The following MCMDC2 variants were observed in gnomAD, a reference collection of about 807,000 sequenced individuals.
MCMDC2 encodes the protein minichromosome maintenance domain containing 2, also known as minichromosome maintenance domain-containing protein 2.
MCMDC2 carries 54 observed loss-of-function variants against 75.8 expected under a neutral mutation model. The observed-to-expected ratio is 0.71, with a 90% CI of 0.57 to 0.89. The LOEUF is 0.89. MCMDC2 is among the 40% of genes least tolerant of loss of function. The probability of loss-of-function intolerance (pLI) is 0.00; values close to 1 mark genes in which losing one functional copy is unlikely to be tolerated. For missense variants in MCMDC2, 656 were observed against 780.4 expected, an observed-to-expected ratio of 0.84 and a Z score of 1.90; for synonymous variants, 249 against 274.6, an observed-to-expected ratio of 0.91 and a Z score of 0.92.
chr8:66,915,278 CCT>C (rs1491513131), intron 14 of MCMDC2, among the ~76,000 whole-genome samples: 8 of 151,860 alleles, frequency 5.3e-5, no homozygotes, highest in African/African-American at 7.3e-5. Flanking sequence ...ATGGTGAAAC[CCT>C]GTCTCTACTA....
In MCMDC2 at chr8:66,876,399, G is replaced by A. The variant is rs150421824; in HGVS notation, c.286-950G>A. 9.1e-3 allele frequency among the ~76,000 whole-genome samples: 1,383 copies of A among 152,078 alleles called. 22 individuals are homozygous for A. Among genetic ancestry groups the A allele is most frequent in the African/African-American group, 0.032 (1,310 of 41,494 alleles). ...TGGCCAATATTTTTTGAGGGGGAGG[G>A]TTTCCATTTTTAAATATAAGGAACT... On this transcript the variant is annotated intron_variant, in intron 4 of 14. Transcript: ENST00000422365.
intron 10 of MCMDC2, among the ~76,000 whole-genome samples, chr8:66,892,375 C>G (rs1009529936): frequency 1.3e-5 from 2 of 152,182 alleles, no homozygotes; most frequent in Non-Finnish European, 2.9e-5. Context: ...TGTCATGGCC[C>G]TTTTCACACC....
chr8:66,892,404 A>C (rs1812151385), intron 10 of MCMDC2, among the ~76,000 whole-genome samples: 1 of 152,172 alleles, frequency 6.6e-6, no homozygotes, highest in Non-Finnish European at 1.5e-5. Flanking sequence ...AACAGGTCCC[A>C]AGTTCTTGTT....
chr8:66,902,886 A>T (rs1812763631), intron 13 of MCMDC2, among the ~76,000 whole-genome samples: 1 of 151,726 alleles, frequency 6.6e-6, no homozygotes, highest in African/African-American at 2.4e-5. Flanking sequence ...TTGGGAGGCC[A>T]AGTTGGGTGG....
chr8:66,876,444 A>G (rs1811284914), intron 4 of MCMDC2, among the ~76,000 whole-genome samples: 1 of 152,134 alleles, frequency 6.6e-6, no homozygotes, highest in South Asian at 2.1e-4. Flanking sequence ...TTAAATATAT[A>G]TGGTATGTTT....
At chr8:66,909,051 A>T (rs775358838) in intron 14 of MCMDC2, among the ~76,000 whole-genome samples, 2 of 152,192 alleles carry the variant, frequency 1.3e-5, no homozygotes, top group Non-Finnish European at 1.5e-5. Flanking sequence ...TCATGGGGGC[A>T]GTTTCCCCTA....
rs2130786709 is a variant in MCMDC2 at position 66,874,109 on chromosome 8, T to G, written c.-32T>G. 4 of 1,502,874 alleles carry G rather than the reference T, an allele frequency of 2.7e-6. No homozygotes were observed. The South Asian group carries it at 3.8e-5, about 14-fold the overall frequency. 93.1% of individuals were successfully genotyped at this position (1,502,874 alleles called of 1,614,324 possible). ...CTATAGCTTTTATCAACAATTGTGG[T>G]TTAATCAATTAGAAATATTAACCAG... On this transcript the variant is annotated 5_prime_UTR_variant, in exon 2 of 15. Coordinates refer to ENST00000422365, the MANE Select transcript of MCMDC2 (RefSeq NM_173518.5).
In MCMDC2 at chr8:66,905,235, A is replaced by G; in HGVS notation, c.1779A>G (p.Leu593=). Residue 593 remains leucine, a synonymous_variant, in exon 14 of 15, where the codon CTA becomes CTG. Transcript: ENST00000422365. ...CTATTTTCTTTTTTAGCGTTTTCCT[A>G]TCTGAAGCCCATGCACGACTGAACT... ...SASALKYLVF[L]SEAHARLNLR... is the part of the protein sequence containing the mutation. 2 of 1,444,558 alleles carry G rather than the reference A, an allele frequency of 1.4e-6. No homozygotes were observed. The highest frequency in any genetic ancestry group is 1.8e-6 in the Non-Finnish European group (2 of 1,096,416). 89.5% of individuals were successfully genotyped at this position (1,444,558 alleles called of 1,614,324 possible).
intron 14 of MCMDC2, among the ~76,000 whole-genome samples, chr8:66,905,953 T>TCAGCTCA (rs1395298675): frequency 6.7e-6 from 1 of 148,444 alleles, no homozygotes; most frequent in Non-Finnish European, 1.5e-5. Flanking sequence ...TGCAGTGAGC[T>TCAGCTCA]GAGATTGCAC....
chr8:66,901,504 A>G (rs1812658726), intron 13 of MCMDC2, 156 bp downstream of exon 13: 4 of 1,356,796 alleles, frequency 2.9e-6, no homozygotes, highest in Admixed American at 3.5e-5. Flanking sequence ...AGGCTTCACA[A>G]TTCCTTTTGT....
At position 66,877,482 on chromosome 8, in the gene MCMDC2, T is replaced by C; in HGVS notation, c.419T>C (p.Ile140Thr). The C allele has an allele frequency of 6.2e-7, 1 of 1,613,182 alleles. No homozygotes were observed. Among genetic ancestry groups the C allele is most frequent in the Non-Finnish European group, 8.5e-7 (1 of 1,179,762 alleles). ...GGAATTGTGATTGCAATGACAACTA[T>C]AACCAAGTATACACAAGGGGCAAGA... ...MQGIVIAMTTITKYTQGARFL... is the reference protein window; with the variant it reads ...MQGIVIAMTTTTKYTQGARFL... The change falls in exon 5 of 15, where the codon ATA becomes ACA. Residue 140 changes from isoleucine (I) to threonine (T), a missense_variant. Physicochemically the swap from Ile to Thr is moderately conservative, Grantham distance 89. Transcript: ENST00000422365.
intron 8 of MCMDC2, 91 bp downstream of exon 8, chr8:66,881,065 C>A: frequency 9.4e-7 from 1 of 1,063,210 alleles, no homozygotes; most frequent in Non-Finnish European, 1.2e-6. Context: ...ATGTGCTAGG[C>A]ATTCCTCTAA....
intron 14 of MCMDC2, among the ~76,000 whole-genome samples, chr8:66,914,126 A>T (rs1463828184): frequency 4.0e-5 from 6 of 151,522 alleles, no homozygotes; most frequent in South Asian, 4.2e-4. Context: ...CAGAAAAAAA[A>T]TTTTTTAATA....
chr8:66,881,077 C>A, intron 8 of MCMDC2, 103 bp downstream of exon 8: 1 of 933,934 alleles, frequency 1.1e-6, no homozygotes, highest in Non-Finnish European at 1.4e-6. Context: ...TTCCTCTAAG[C>A]ACTAAGAATA....
intron 12 of MCMDC2, among the ~76,000 whole-genome samples, chr8:66,899,582 G>A (rs1449154510): frequency 2.6e-5 from 4 of 151,960 alleles, no homozygotes; most frequent in Admixed American, 1.3e-4. Flanking sequence ...TGCAACCTCC[G>A]CCTGCTGGGT....
chr8:66,872,979 AC>A lies in MCMDC2; in HGVS notation c.-88-1073del, dbSNP rs1157567002. Among the ~76,000 whole-genome samples, 781 of 150,424 alleles carry A rather than the reference AC, an allele frequency of 5.2e-3. 2 individuals are homozygous for A. Among genetic ancestry groups the A allele is most frequent in the African/African-American group, 0.018 (731 of 40,602 alleles). ...TCTCAAAAAAAAAAAAAAAAAAAAAACAACCTGGTAATGAATGAATAACGTG... is the reference window on the plus strand; with the variant it reads ...TCTCAAAAAAAAAAAAAAAAAAAAAAAACCTGGTAATGAATGAATAACGTG... On this transcript the variant is annotated intron_variant, in intron 1 of 14. Coordinates refer to ENST00000422365, the MANE Select transcript of MCMDC2 (RefSeq NM_173518.5).
chr8:66,901,765 T>A, intron 13 of MCMDC2: 1 of 299,896 alleles, frequency 3.3e-6, no homozygotes, highest in Non-Finnish European at 4.9e-6. Context: ...ACCCTGTCTC[T>A]AATAAAATAC....
intron 14 of MCMDC2, among the ~76,000 whole-genome samples, chr8:66,917,525 A>G (rs576002033): frequency 8.5e-5 from 13 of 152,208 alleles, no homozygotes; most frequent in African/African-American, 1.9e-4. Context: ...GAGCTTTTTC[A>G]TCTTCCCAAA....
intron 14 of MCMDC2, among the ~76,000 whole-genome samples, chr8:66,914,690 T>TA (rs1322486869): frequency 2.0e-5 from 3 of 152,152 alleles, no homozygotes; most frequent in African/African-American, 4.8e-5. Context: ...TTGGAGTTGA[T>TA]ATGGAGAATG....
Sources: gnomAD v4.1 joint callset for allele counts (sites outside exome capture counted in the v4.1 genomes callset) on GRCh38, gnomAD v4.1.1 for gene constraint, MANE v1.5 for transcripts, NCBI Gene and HGNC (gene_info 2026-07-23, HGNC 2026-07-21) for gene names.